HUNK: variants seen among roughly 807,000 people sequenced by gnomAD.
HUNK encodes hormonally up-regulated neu tumor-associated kinase.
In HUNK, 21 loss-of-function variants were observed where a neutral mutation model predicts 61.0. The observed-to-expected ratio is 0.34, with a 90% CI of 0.24 to 0.50. HUNK has a LOEUF of 0.50. Ranked by LOEUF, HUNK falls within the 20% of genes least tolerant of loss-of-function variation. The pLI is 0.98. For missense variants in HUNK, 772 were observed against 945.7 expected (o/e 0.82, Z 2.41); for synonymous variants, 371 against 386.1 (o/e 0.96, Z 0.46).
intron 4 of HUNK, among the ~76,000 whole-genome samples, chr21:31,949,282 T>C (rs2052832370): frequency 6.6e-6 from 1 of 152,090 alleles, no homozygotes; most frequent in African/African-American, 2.4e-5. Context: ...GAGGATGCCT[T>C]CTCTTCTAGG....
At chr21:31,909,307 C>A (rs894304736) in intron 1 of HUNK, among the ~76,000 whole-genome samples, 1 of 152,186 alleles carries the variant, frequency 6.6e-6, no homozygotes, top group Admixed American at 6.5e-5. Flanking sequence ...AGTCTCTCAC[C>A]AGCAGGATAC....
intron 8 of HUNK, 93 bp from the exon 9 acceptor site, chr21:31,990,036 C>A: frequency 8.6e-7 from 1 of 1,165,196 alleles, no homozygotes; most frequent in Non-Finnish European, 1.3e-6. Context: ...ACGAATAATT[C>A]TCAACCAGAG....
chr21:31,885,316 CTCTG>C (rs1327509440), intron 1 of HUNK, among the ~76,000 whole-genome samples: 1 of 152,198 alleles, frequency 6.6e-6, no homozygotes, highest in East Asian at 1.9e-4. Flanking sequence ...CTTCGAGGGG[CTCTG>C]TCTATTTGAG....
At chr21:31,896,936 C>T (rs7276440) in intron 1 of HUNK, among the ~76,000 whole-genome samples, 4,958 of 152,296 alleles carry the variant, frequency 0.033, 268 homozygotes, top group African/African-American at 0.11. Context: ...GCTACCATAA[C>T]AAAGTACTAT....
At chr21:31,985,036 A>G (rs2053123502) in intron 8 of HUNK, among the ~76,000 whole-genome samples, 1 of 152,104 alleles carries the variant, frequency 6.6e-6, no homozygotes, top group African/African-American at 2.4e-5. Context: ...TAATAAAACC[A>G]TCAGATCTTG....
intron 8 of HUNK, among the ~76,000 whole-genome samples, chr21:31,986,296 AC>A (rs532484238): frequency 3.1e-4 from 46 of 150,108 alleles, no homozygotes; most frequent in South Asian, 2.7e-3. Context: ...CCCTCCCCTT[AC>A]CCCCAGAGCC....
intron 4 of HUNK, among the ~76,000 whole-genome samples, chr21:31,948,794 A>C (rs2052828133): frequency 6.6e-6 from 1 of 152,186 alleles, no homozygotes; most frequent in Non-Finnish European, 1.5e-5. Flanking sequence ...GGTCAGCTCA[A>C]GGCTCTAGAA....
chr21:31,936,132 G>A (rs2052732240), intron 2 of HUNK, among the ~76,000 whole-genome samples: 1 of 152,092 alleles, frequency 6.6e-6, no homozygotes, highest in African/African-American at 2.4e-5. Flanking sequence ...CCATTGTTTG[G>A]GTGTGCCAAC....
chr21:31,974,026 C>T (rs2053031352), intron 6 of HUNK, among the ~76,000 whole-genome samples: 2 of 152,138 alleles, frequency 1.3e-5, no homozygotes, highest in African/African-American at 2.4e-5. Flanking sequence ...TAAACATGAT[C>T]TGGCTAGTTC....
At chr21:31,880,465 G>C (rs766534554) in intron 1 of HUNK, among the ~76,000 whole-genome samples, 1 of 152,154 alleles carries the variant, frequency 6.6e-6, no homozygotes, top group African/African-American at 2.4e-5. Context: ...ACTAGCTTCC[G>C]GTGGTGGCCA....
rs147531530 is a variant in HUNK, at chr21:31,888,511, C to T, written c.261+14576C>T. ...CAGCACTTTGGGAGGCCGAGGCGGG[C>T]AGATCACTTGAGGTCGGGAGTTTGA... On this transcript the variant is annotated intron_variant, in intron 1 of 10. Transcript: ENST00000270112. 2.5e-4 allele frequency among the ~76,000 whole-genome samples: 38 copies of T among 152,230 alleles called. No individual in the cohort carries two copies. In the East Asian group the frequency reaches 5.4e-3, roughly 22 times the overall value.
intron 1 of HUNK, among the ~76,000 whole-genome samples, chr21:31,894,023 C>T (rs1455244397): frequency 6.6e-6 from 1 of 152,172 alleles, no homozygotes; most frequent in Admixed American, 6.5e-5. Flanking sequence ...TCCCTTCTTC[C>T]CCGAGGCTGC....
At chr21:31,892,375 G>C (rs1204934782) in intron 1 of HUNK, among the ~76,000 whole-genome samples, 1 of 151,386 alleles carries the variant, frequency 6.6e-6, no homozygotes, top group African/African-American at 2.4e-5. Flanking sequence ...AGACCAGCTT[G>C]GCCAACATGG....
At chr21:31,906,311 A>G (rs1036084024) in intron 1 of HUNK, among the ~76,000 whole-genome samples, 1 of 152,204 alleles carries the variant, frequency 6.6e-6, no homozygotes, top group Admixed American at 6.5e-5. Flanking sequence ...GCTGGGTTCC[A>G]AAAGGCATGA....
At chr21:31,936,062 G>T (rs1162088946) in intron 2 of HUNK, among the ~76,000 whole-genome samples, 1 of 152,164 alleles carries the variant, frequency 6.6e-6, no homozygotes, top group Non-Finnish European at 1.5e-5. Flanking sequence ...TTCCCAAAGT[G>T]CTGGGATTAT....
intron 2 of HUNK, among the ~76,000 whole-genome samples, chr21:31,932,218 C>T (rs2052703287): frequency 6.6e-6 from 1 of 152,208 alleles, no homozygotes; most frequent in East Asian, 1.9e-4. Flanking sequence ...TCCACTTCCC[C>T]AGCACTGCTC....
At chr21:31,879,499 C>T in intron 1 of HUNK, among the ~76,000 whole-genome samples, 1 of 152,166 alleles carries the variant, frequency 6.6e-6, no homozygotes, top group East Asian at 1.9e-4. Flanking sequence ...TGATACAGGT[C>T]CCACGGACTT....
chr21:31,875,388 C>T (rs1196250243), intron 1 of HUNK, among the ~76,000 whole-genome samples: 2 of 152,154 alleles, frequency 1.3e-5, no homozygotes, highest in African/African-American at 4.8e-5. Context: ...GAGTGAGGCA[C>T]CGCTTTATTA....
intron 1 of HUNK, among the ~76,000 whole-genome samples, chr21:31,907,904 C>G (rs1459635166): frequency 2.0e-5 from 3 of 151,928 alleles, no homozygotes; most frequent in African/African-American, 7.3e-5. Flanking sequence ...GTGGGAGGAT[C>G]ACTTGAACCC....
Sources: gnomAD v4.1 joint callset for allele counts (sites outside exome capture counted in the v4.1 genomes callset) on GRCh38, gnomAD v4.1.1 for gene constraint, MANE v1.5 for transcripts, NCBI Gene and HGNC (gene_info 2026-07-23, HGNC 2026-07-21) for gene names.